The following DNAH3 variants were observed in gnomAD, a reference collection of about 807,000 sequenced individuals.
DNAH3 encodes the protein axonemal beta dynein heavy chain 3.
DNAH3 carries 332 observed loss-of-function variants against 432.5 expected under a neutral mutation model. That is an observed-to-expected ratio of 0.77 (90% confidence interval 0.70 to 0.84). DNAH3 has a LOEUF of 0.84. Among genes scored for constraint, DNAH3 ranks in the 40% least tolerant of loss-of-function variants. The pLI is 0.00. For synonymous variants in DNAH3, 1,956 were observed against 1,900.2 expected (o/e 1.03, Z -0.76); for missense variants, 4,861 against 5,114.0 (o/e 0.95, Z 1.51).
chr16:20,937,741 G>A (rs181854411), intron 59 of DNAH3, among the ~76,000 whole-genome samples: 12 of 151,872 alleles, frequency 7.9e-5, no homozygotes, highest in Admixed American at 6.6e-4. Flanking sequence ...GCCCAGGCTG[G>A]TCTCAAACTC....
intron 18 of DNAH3, among the ~76,000 whole-genome samples, chr16:21,096,134 A>ATTTT (rs11286672): frequency 1.6e-4 from 23 of 140,044 alleles, no homozygotes; most frequent in African/African-American, 6.1e-4. Context: ...AGGGTCTCTG[A>ATTTT]TTTTTTTTTT....
chr16:20,972,739 ATTTTTTTTTT>A lies in DNAH3; in HGVS notation c.8259+2484_8259+2493del, dbSNP rs34245316. ...TGCCCTTCTGAGACAATGCCCCGTG[ATTTTTTTTTT>A]TTTTTTTTTTTTTTGGTCACTCAGG... On this transcript the variant is annotated intron_variant, in intron 51 of 61. Transcript: ENST00000261383. 9.5e-3 allele frequency among the ~76,000 whole-genome samples: 916 copies of A among 95,970 alleles called. 6 individuals carry two copies. Among genetic ancestry groups the A allele is most frequent in the Middle Eastern group, 0.047 (8 of 172 alleles). 63.0% of individuals were successfully genotyped at this position (95,970 alleles called of 152,430 possible).
intron 44 of DNAH3, 69 bp downstream of exon 44, chr16:20,997,214 C>T: frequency 6.5e-7 from 1 of 1,540,134 alleles, no homozygotes; most frequent in Non-Finnish European, 8.8e-7. Flanking sequence ...ACCAACCCAC[C>T]TTTCATAAAG....
chr16:21,050,039 C>T (rs751646696), intron 29 of DNAH3, 21 bp from the exon 30 acceptor site: 2 of 1,554,204 alleles, frequency 1.3e-6, no homozygotes, highest in South Asian at 2.2e-5. Context: ...GAAAATAGAA[C>T]TTCAGTGCTT....
At chr16:21,119,507 G>A (rs947061768) in intron 11 of DNAH3, among the ~76,000 whole-genome samples, 3 of 151,774 alleles carry the variant, frequency 2.0e-5, no homozygotes, top group African/African-American at 7.3e-5. Flanking sequence ...GTGCACACCT[G>A]TTATCCCAGC....
chr16:20,974,107 G>A lies in DNAH3; in HGVS notation c.8259+1126C>T, dbSNP rs536515990. Among the ~76,000 whole-genome samples, 7 of 151,976 alleles carry A rather than the reference G, an allele frequency of 4.6e-5. No homozygotes were observed. The East Asian group carries it at 1.4e-3, about 30-fold the overall frequency. On this transcript the variant is annotated intron_variant, in intron 51 of 61. Transcript: ENST00000261383. ...TGCGACCTGGACCCACTGTAGCCTC[G>A]ACCTCCTGGGCTCAGGACCCTCCCA... is the stretch of plus-strand genomic sequence containing the variant.
chr16:21,105,532 G>A (rs1034202844), intron 15 of DNAH3, among the ~76,000 whole-genome samples: 2 of 152,134 alleles, frequency 1.3e-5, no homozygotes, highest in African/African-American at 2.4e-5. Context: ...TTGGGAGGTC[G>A]AGGCAGGCAG....
At chr16:21,109,603 ACATT>A (rs1401439015) in intron 14 of DNAH3, among the ~76,000 whole-genome samples, 1 of 152,108 alleles carries the variant, frequency 6.6e-6, no homozygotes, top group African/African-American at 2.4e-5. Context: ...ATTTTATTTT[ACATT>A]TATTTATTCT....
At chr16:21,145,345 G>T (rs752749340) in exon 3 of DNAH3, 1 of 1,614,194 alleles carries the variant, frequency 6.2e-7, no homozygotes, top group Admixed American at 1.7e-5. Context: ...TTTGAAGGGT[G>T]CAGCCAAGGT....
intron 30 of DNAH3, 105 bp downstream of exon 30, chr16:21,049,805 G>A: frequency 7.5e-7 from 1 of 1,328,252 alleles, no homozygotes; most frequent in Non-Finnish European, 1.1e-6. Context: ...TGGGGCCCAT[G>A]CTGCCTGTTA....
intron 51 of DNAH3, among the ~76,000 whole-genome samples, chr16:20,972,180 C>T (rs1176468988): frequency 6.6e-6 from 1 of 151,774 alleles, no homozygotes; most frequent in African/African-American, 2.4e-5. Context: ...CGATGTTTTC[C>T]AAAGAAAAGC....
intron 31 of DNAH3, 97 bp from the exon 32 acceptor site, chr16:21,042,300 A>G (rs948123445): frequency 7.6e-7 from 1 of 1,322,650 alleles, no homozygotes; most frequent in Non-Finnish European, 1.0e-6. Context: ...AAAGAACCCA[A>G]TCACCCAAAA....
chr16:21,021,349 T>C (rs1297543499), intron 40 of DNAH3, among the ~76,000 whole-genome samples: 2 of 152,208 alleles, frequency 1.3e-5, no homozygotes, highest in African/African-American at 2.4e-5. Context: ...GGTCCTGCTA[T>C]GTTCATCTCC....
At chr16:21,037,212 G>A (rs2089216032) in intron 34 of DNAH3, among the ~76,000 whole-genome samples, 1 of 152,156 alleles carries the variant, frequency 6.6e-6, no homozygotes, top group Non-Finnish European at 1.5e-5. Flanking sequence ...GGGAGGCTGA[G>A]GCAGGAGAAT....
chr16:21,111,205 C>T (rs539732333), intron 14 of DNAH3, among the ~76,000 whole-genome samples: 84 of 152,244 alleles, frequency 5.5e-4, no homozygotes, highest in African/African-American at 9.4e-4. Context: ...ACAGAATTCC[C>T]GGACCTATAC....
At position 21,114,694 on chromosome 16, in the gene DNAH3, C is replaced by A. The variant is rs1035164631; in HGVS notation, c.1814+2509G>T. Among the ~76,000 whole-genome samples the A allele has an allele frequency of 5.9e-5, 9 of 152,168 alleles. 1 individual carries two copies. The highest frequency in any genetic ancestry group is 3.3e-4 in the Admixed American group (5 of 15,280). On this transcript the variant is annotated intron_variant, in intron 12 of 61. Transcript: ENST00000261383. ...TGCAAATCAAAACCACAATGAGATA[C>A]CATCTCACACCAGTTAGAATGGCGA...
At chr16:20,984,733 T>C (rs868409489) in intron 48 of DNAH3, among the ~76,000 whole-genome samples, 3 of 151,988 alleles carry the variant, frequency 2.0e-5, no homozygotes, top group Admixed American at 2.0e-4. Flanking sequence ...GCAGGTGTGG[T>C]ACGCGCCTGC....
chr16:21,069,323 C>G (rs778539399), intron 23 of DNAH3, 92 bp downstream of exon 23: 1 of 1,128,742 alleles, frequency 8.9e-7, no homozygotes, highest in Non-Finnish European at 1.3e-6. Context: ...AACTCTAGTT[C>G]ATTTACAAGT....
At chr16:20,958,777 T>C (rs367556248) in intron 54 of DNAH3, among the ~76,000 whole-genome samples, 2 of 152,136 alleles carry the variant, frequency 1.3e-5, no homozygotes, top group Admixed American at 6.6e-5. Context: ...AGAGCTTCTT[T>C]CTTTTTTAGA....
Sources: gnomAD v4.1 joint callset for allele counts (sites outside exome capture counted in the v4.1 genomes callset) on GRCh38, gnomAD v4.1.1 for gene constraint, MANE v1.5 for transcripts, NCBI Gene and HGNC (gene_info 2026-07-23, HGNC 2026-07-21) for gene names.